The following FOXJ3 variants were observed in gnomAD, a reference collection of about 807,000 sequenced individuals.
FOXJ3 encodes the protein forkhead box J3.
A neutral mutation model predicts 76.1 loss-of-function variants in FOXJ3; 22 were observed. That is an observed-to-expected ratio of 0.29 (90% CI 0.21 to 0.41). FOXJ3 has a LOEUF of 0.41. FOXJ3 is among the 10% of genes least tolerant of loss of function. The pLI is 1.00. For missense variants in FOXJ3, 613 were observed against 762.1 expected (o/e 0.80, Z 2.30); for synonymous variants, 269 against 261.2 (o/e 1.03, Z -0.29).
At chr1:42,300,566 A>T (rs1178040224) in intron 2 of FOXJ3, among the ~76,000 whole-genome samples, 1 of 152,182 alleles carries the variant, frequency 6.6e-6, no homozygotes, top group Non-Finnish European at 1.5e-5. Flanking sequence ...GCTTGAGCTC[A>T]GGAGTTTAAG....
At chr1:42,238,207 A>T (rs530324948) in intron 4 of FOXJ3, among the ~76,000 whole-genome samples, 1 of 151,396 alleles carries the variant, frequency 6.6e-6, no homozygotes, top group Non-Finnish European at 1.5e-5. Flanking sequence ...TAATTTTTCT[A>T]TATTTTTAGT....
At chr1:42,252,461 G>C (rs1425848863) in intron 4 of FOXJ3, among the ~76,000 whole-genome samples, 1 of 152,144 alleles carries the variant, frequency 6.6e-6, no homozygotes, top group Non-Finnish European at 1.5e-5. Flanking sequence ...TGTGGGATCA[G>C]TGGTGATATC....
intron 4 of FOXJ3, among the ~76,000 whole-genome samples, chr1:42,245,925 C>T (rs1028429231): frequency 9.2e-5 from 14 of 152,092 alleles, no homozygotes; most frequent in African/African-American, 3.4e-4. Flanking sequence ...CTAAAGACTC[C>T]CCCAAAAAAC....
intron 11 of FOXJ3, among the ~76,000 whole-genome samples, chr1:42,188,188 G>T (rs1338573642): frequency 1.3e-5 from 2 of 152,158 alleles, no homozygotes; most frequent in Non-Finnish European, 2.9e-5. Context: ...AGAAAAATGT[G>T]CAATCAGAGT....
At chr1:42,257,737 C>CAA (rs10660267) in intron 4 of FOXJ3, among the ~76,000 whole-genome samples, 127,519 of 131,974 alleles carry the variant, frequency 0.97, 61,590 homozygotes, top group South Asian at 0.99. Flanking sequence ...GACTCTGTCT[C>CAA]AAAAAAAAAA....
intron 5 of FOXJ3, among the ~76,000 whole-genome samples, chr1:42,214,175 C>CA (rs1334587014): frequency 1.1e-4 from 16 of 150,316 alleles, no homozygotes; most frequent in South Asian, 4.2e-4. Flanking sequence ...ATTAAACAAA[C>CA]AAAAAAAAAG....
At chr1:42,278,290 G>A in intron 3 of FOXJ3, 58 bp downstream of exon 3, 1 of 1,184,110 alleles carries the variant, frequency 8.4e-7, no homozygotes, top group Non-Finnish European at 1.2e-6. Flanking sequence ...TTTATTTTCA[G>A]TAGAAATCAA....
At chr1:42,308,747 C>T (rs560698112) in intron 2 of FOXJ3, among the ~76,000 whole-genome samples, 1 of 152,236 alleles carries the variant, frequency 6.6e-6, no homozygotes, top group East Asian at 1.9e-4. Context: ...AATTACAACA[C>T]AATGAGTAAA....
At chr1:42,269,440 T>G (rs1651710564) in intron 3 of FOXJ3, among the ~76,000 whole-genome samples, 2 of 152,278 alleles carry the variant, frequency 1.3e-5, no homozygotes, top group South Asian at 4.1e-4. Context: ...GTTGGAAATC[T>G]TCAGGGTTCT....
intron 3 of FOXJ3, 116 bp from the exon 4 acceptor site, chr1:42,265,305 G>A: frequency 1.8e-6 from 1 of 558,404 alleles, no homozygotes; most frequent in Non-Finnish European, 3.1e-6. Context: ...ATTACAAATG[G>A]AATAAACTTT....
At chr1:42,328,838 T>C (rs1370474504) in intron 1 of FOXJ3, among the ~76,000 whole-genome samples, 1 of 152,132 alleles carries the variant, frequency 6.6e-6, no homozygotes, top group Non-Finnish European at 1.5e-5. Flanking sequence ...AGCTTATTTT[T>C]GTATTTTTAG....
intron 1 of FOXJ3, among the ~76,000 whole-genome samples, chr1:42,332,967 T>C (rs983856097): frequency 2.0e-5 from 3 of 152,212 alleles, no homozygotes; most frequent in African/African-American, 4.8e-5. Context: ...AAAGAAACTC[T>C]GTTCTTTCGA....
In FOXJ3 at chr1:42,314,140, G is replaced by GA. The variant is rs1418414019; in HGVS notation, c.-17-3031dup. Reference sequence around the variant, plus strand: ...TTTTCCAACTCTTAGTCTCTATGAGGAATTACTTCAGTAAACACTCCTGGC... The same window carrying GA: ...TTTTCCAACTCTTAGTCTCTATGAGGAAATTACTTCAGTAAACACTCCTGGC... On this transcript the variant is annotated intron_variant, in intron 1 of 12. Transcript: ENST00000361346. Among the ~76,000 whole-genome samples the GA allele has an allele frequency of 3.3e-5, 5 of 152,200 alleles. No individual in the cohort carries two copies. The Middle Eastern group carries it at 0.01, about 311-fold the overall frequency.
chr1:42,248,803 A>G (rs1482332729), intron 4 of FOXJ3, among the ~76,000 whole-genome samples: 1 of 141,236 alleles, frequency 7.1e-6, no homozygotes, highest in African/African-American at 2.7e-5. Context: ...TTACATAGGT[A>G]TAAGTGTGCC....
chr1:42,286,025 TC>T (rs1653030715), intron 2 of FOXJ3, among the ~76,000 whole-genome samples: 1 of 152,200 alleles, frequency 6.6e-6, no homozygotes, highest in South Asian at 2.1e-4. Context: ...CTGGGTTGTC[TC>T]CCTTGAGGAA....
intron 2 of FOXJ3, among the ~76,000 whole-genome samples, chr1:42,283,088 G>A (rs534321688): frequency 2.0e-4 from 31 of 152,276 alleles, no homozygotes; most frequent in South Asian, 1.9e-3. Flanking sequence ...ATGACTCAGA[G>A]CACAGACTGA....
intron 1 of FOXJ3, 189 bp downstream of exon 1, chr1:42,334,870 G>A (rs975654229): frequency 1.3e-5 from 2 of 152,162 alleles, no homozygotes; most frequent in African/African-American, 4.8e-5. Context: ...CCCAGCCCTC[G>A]GCGTCCGCCA....
intron 5 of FOXJ3, among the ~76,000 whole-genome samples, chr1:42,206,437 G>A (rs868608262): frequency 8.5e-5 from 13 of 152,210 alleles, no homozygotes; most frequent in Middle Eastern, 3.4e-3. Flanking sequence ...GTAATACCCT[G>A]GGAAAATACC....
rs1322362426 is a variant in FOXJ3 at position 42,278,427 on chromosome 1, T to C, written c.290A>G (p.Lys97Arg). The C allele has an allele frequency of 1.9e-6, 3 of 1,613,870 alleles. No individual in the cohort carries two copies. Among genetic ancestry groups the C allele is most frequent in the Non-Finnish European group, 2.5e-6 (3 of 1,179,812 alleles). ...ATAAATTTCACTTAAAGTCATTTTCTTTTTGGGTGAGCTATTAATTGCAAA... is the reference window on the plus strand; with the variant it reads ...ATAAATTTCACTTAAAGTCATTTTCCTTTTGGGTGAGCTATTAATTGCAAA... ...ITFAINSSPK[K>R]KMTLSEIYQW... The change falls in exon 3 of 13, where the codon AAG becomes AGG. Residue 97 changes from lysine (K) to arginine (R), a missense_variant. By Grantham distance (26) the Lys-to-Arg change is conservative. Coordinates refer to ENST00000361346, the MANE Select transcript of FOXJ3 (RefSeq NM_014947.5).
Sources: gnomAD v4.1 joint callset for allele counts (sites outside exome capture counted in the v4.1 genomes callset) on GRCh38, gnomAD v4.1.1 for gene constraint, MANE v1.5 for transcripts, NCBI Gene and HGNC (gene_info 2026-07-23, HGNC 2026-07-21) for gene names.